CADM2: variants seen among roughly 807,000 people sequenced by gnomAD.
CADM2 encodes the protein immunoglobulin superfamily member 4D.
A neutral mutation model predicts 49.8 loss-of-function variants in CADM2; 12 were observed. The observed-to-expected ratio is 0.24, with a 90% CI of 0.15 to 0.39. CADM2 has a LOEUF of 0.39. Ranked by LOEUF, CADM2 falls within the 10% of genes least tolerant of loss-of-function variation. CADM2 has a pLI of 1.00. For missense variants in CADM2, 378 were observed against 492.3 expected (o/e 0.77, Z 2.20); for synonymous variants, 214 against 175.4 (o/e 1.22, Z -1.74).
intron 2 of CADM2, among the ~76,000 whole-genome samples, chr3:85,771,210 T>C (rs2070068149): frequency 6.6e-6 from 1 of 152,206 alleles, no homozygotes; most frequent in South Asian, 2.1e-4. Context: ...ATTGGGTCAG[T>C]AACATTAAAT....
chr3:85,695,683 G>A (rs1018035764), intron 1 of CADM2, among the ~76,000 whole-genome samples: 6 of 151,936 alleles, frequency 3.9e-5, no homozygotes, highest in African/African-American at 1.5e-4. Flanking sequence ...GGCTGATTCT[G>A]TATCTTTGCA....
chr3:86,001,706 T>C (rs917520981), intron 8 of CADM2, among the ~76,000 whole-genome samples: 14 of 152,082 alleles, frequency 9.2e-5, no homozygotes, highest in African/African-American at 3.4e-4. Context: ...AATTAAAAAT[T>C]CTGCAGTAGG....
At chr3:85,846,995 G>A (rs2074910735) in intron 3 of CADM2, among the ~76,000 whole-genome samples, 1 of 152,186 alleles carries the variant, frequency 6.6e-6, no homozygotes, top group Admixed American at 6.5e-5. Context: ...TGGTAGGACT[G>A]CTGAATTTCA....
intron 8 of CADM2, among the ~76,000 whole-genome samples, chr3:86,022,909 T>C (rs1216589355): frequency 2.0e-5 from 3 of 152,200 alleles, no homozygotes; most frequent in African/African-American, 4.8e-5. Flanking sequence ...GGACATTCTA[T>C]TGCTACTTTT....
intron 1 of CADM2, among the ~76,000 whole-genome samples, chr3:85,286,540 G>A (rs1258167831): frequency 6.6e-6 from 1 of 152,072 alleles, no homozygotes; most frequent in Non-Finnish European, 1.5e-5. Flanking sequence ...GCAATTTAAG[G>A]AACTGCACAT....
At chr3:85,211,506 G>A (rs928875570) in intron 1 of CADM2, among the ~76,000 whole-genome samples, 1 of 152,032 alleles carries the variant, frequency 6.6e-6, no homozygotes, top group Non-Finnish European at 1.5e-5. Flanking sequence ...ATTTGTTCAA[G>A]AAATCTTAAA....
intron 3 of CADM2, 33 bp from the exon 4 acceptor site, chr3:85,883,258 C>G: frequency 6.3e-7 from 1 of 1,576,470 alleles, no homozygotes; most frequent in Non-Finnish European, 8.7e-7. Context: ...TTCTGATGTC[C>G]TTATTTACAT....
intron 1 of CADM2, among the ~76,000 whole-genome samples, chr3:85,233,321 T>C (rs956876411): frequency 5.3e-5 from 8 of 152,116 alleles, no homozygotes; most frequent in African/African-American, 1.9e-4. Flanking sequence ...GATGGTGATA[T>C]TATGCATTTG....
intron 5 of CADM2, among the ~76,000 whole-genome samples, chr3:85,897,481 GGAT>G (rs907984472): frequency 2.7e-5 from 4 of 150,136 alleles, no homozygotes; most frequent in African/African-American, 9.8e-5. Context: ...TTGTTAGCCA[GGAT>G]GGTCTCGATC....
chr3:85,060,856 A>G (rs2036278902), intron 1 of CADM2, among the ~76,000 whole-genome samples: 2 of 152,172 alleles, frequency 1.3e-5, no homozygotes, highest in Non-Finnish European at 2.9e-5. Flanking sequence ...TAAAGTGAAT[A>G]GACACGAGAT....
At chr3:85,075,414 A>T (rs2036909204) in intron 1 of CADM2, among the ~76,000 whole-genome samples, 1 of 152,112 alleles carries the variant, frequency 6.6e-6, no homozygotes, top group East Asian at 1.9e-4. Flanking sequence ...TTAAGAGGGG[A>T]ATATTTAAAA....
intron 1 of CADM2, among the ~76,000 whole-genome samples, chr3:85,505,136 C>T (rs1267678758): frequency 1.3e-5 from 2 of 152,230 alleles, no homozygotes; most frequent in African/African-American, 2.4e-5. Flanking sequence ...AGTGCAGCGG[C>T]GGGCTGAAGG....
chr3:85,107,886 A>G (rs549992040), intron 1 of CADM2, among the ~76,000 whole-genome samples: 1 of 151,578 alleles, frequency 6.6e-6, no homozygotes, highest in East Asian at 1.9e-4. Context: ...TTTTTAGTAT[A>G]GATAGGGTTT....
At chr3:85,175,106 T>A (rs1339295905) in intron 1 of CADM2, among the ~76,000 whole-genome samples, 1 of 152,060 alleles carries the variant, frequency 6.6e-6, no homozygotes, top group Non-Finnish European at 1.5e-5. Flanking sequence ...ATGGCAACTG[T>A]AAAAACAATA....
chr3:84,962,193 G>T (rs1288549158), intron 1 of CADM2, among the ~76,000 whole-genome samples: 2 of 151,140 alleles, frequency 1.3e-5, no homozygotes, highest in Non-Finnish European at 2.9e-5. Context: ...CAGGGAAAGA[G>T]CACAAGTCCA....
intron 1 of CADM2, among the ~76,000 whole-genome samples, chr3:85,351,347 A>T (rs2107238018): frequency 6.6e-6 from 1 of 152,340 alleles, no homozygotes; most frequent in African/African-American, 2.4e-5. Context: ...AGTCAAACAG[A>T]GACATTAAAA....
rs180714440 is a variant in CADM2, at chr3:85,830,172, G to A, written c.238+27976G>A. On this transcript the variant is annotated intron_variant, in intron 3 of 9. Coordinates refer to ENST00000383699, the MANE Select transcript of CADM2 (RefSeq NM_001167675.2). Reference sequence around the variant, plus strand: ...AGTAATTAATTTTCTTCACACGCTCGCCAACACTTGTTATCACTTCTCATT... The same window carrying A: ...AGTAATTAATTTTCTTCACACGCTCACCAACACTTGTTATCACTTCTCATT... Among the ~76,000 whole-genome samples, 16 of 151,846 alleles carry A rather than the reference G, an allele frequency of 1.1e-4. No homozygotes were observed. The East Asian group carries it at 3.1e-3, about 30-fold the overall frequency.
At chr3:85,417,127 A>T (rs2035953648) in intron 1 of CADM2, among the ~76,000 whole-genome samples, 1 of 152,140 alleles carries the variant, frequency 6.6e-6, no homozygotes. Flanking sequence ...AGTAAGGATT[A>T]AAAAAAGGTA....
intron 1 of CADM2, among the ~76,000 whole-genome samples, chr3:85,059,875 T>C (rs1320774299): frequency 6.6e-6 from 1 of 152,228 alleles, no homozygotes; most frequent in Non-Finnish European, 1.5e-5. Context: ...CATGGGCTAA[T>C]ACACATGTAT....
Sources: gnomAD v4.1 joint callset for allele counts (sites outside exome capture counted in the v4.1 genomes callset) on GRCh38, gnomAD v4.1.1 for gene constraint, MANE v1.5 for transcripts, NCBI Gene and HGNC (gene_info 2026-07-23, HGNC 2026-07-21) for gene names.